The following ZNF391 variants were observed in gnomAD, a reference collection of about 807,000 sequenced individuals.
The protein encoded by ZNF391 is zinc finger protein 391.
For missense variants in ZNF391, 375 were observed against 425.5 expected (o/e 0.88, Z 1.04); for synonymous variants, 126 against 142.1 (o/e 0.89, Z 0.80).
chr6:27,384,064 A>T (rs576508958), upstream of ZNF391, among the ~76,000 whole-genome samples: 1 of 152,332 alleles, frequency 6.6e-6, no homozygotes, highest in Non-Finnish European at 1.5e-5. Context: ...GAGAAACAAA[A>T]GTTTAAGGAA....
At chr6:27,387,782 A>G (rs1410964842), upstream of ZNF391, among the ~76,000 whole-genome samples, 1 of 152,210 alleles carries the variant, frequency 6.6e-6, no homozygotes, top group Admixed American at 6.5e-5. Flanking sequence ...GATGACGAAA[A>G]TGTTCTAGAA....
chr6:27,383,218 G>T (rs1581525704), intron 1 of ZNF391, among the ~76,000 whole-genome samples: 1 of 151,824 alleles, frequency 6.6e-6, no homozygotes, highest in African/African-American at 2.4e-5. Flanking sequence ...TATAACATAT[G>T]TATAATAGGA....
At chr6:27,378,093 T>A (rs1225251977) in intron 1 of ZNF391, among the ~76,000 whole-genome samples, 1 of 152,246 alleles carries the variant, frequency 6.6e-6, no homozygotes, top group Non-Finnish European at 1.5e-5. Flanking sequence ...TTGAATGGTC[T>A]ATTTATATAA....
At chr6:27,384,293 G>T (rs1248851819), upstream of ZNF391, among the ~76,000 whole-genome samples, 1 of 151,162 alleles carries the variant, frequency 6.6e-6, no homozygotes, top group Admixed American at 6.6e-5. Context: ...GTGAAACCCT[G>T]TCTCTACTAA....
At chr6:27,389,705 G>A (rs1189212734) in intron 1 of ZNF391, among the ~76,000 whole-genome samples, 1 of 152,178 alleles carries the variant, frequency 6.6e-6, no homozygotes, top group East Asian at 1.9e-4. Context: ...TCGGGAGGCT[G>A]AGGCAGGAGA....
rs1457592571 is a variant in ZNF391, at chr6:27,400,401, G to T, written c.31G>T (p.Gly11Cys). The part of the protein sequence containing the change: MESLRGNTAQ[G>C]PTNEEDYKNE... ...AAGCCTCAGAGGGAATACTGCTCAG[G>T]GTCCTACAAATGAAGAAGACTATAA... The change falls in exon 3 of 3, where the codon GGT becomes TGT. Residue 11 changes from glycine (G) to cysteine (C), a missense_variant. Physicochemically the swap from Gly to Cys is radical, Grantham distance 159. Coordinates refer to ENST00000244576, the MANE Select transcript of ZNF391 (RefSeq NM_001076781.3). 1.9e-6 allele frequency: 3 copies of T among 1,612,804 alleles called. No homozygotes were observed. The South Asian group carries it at 3.3e-5, about 18-fold the overall frequency.
At chr6:27,394,410 C>T (rs1234858730) in intron 1 of ZNF391, among the ~76,000 whole-genome samples, 1 of 152,226 alleles carries the variant, frequency 6.6e-6, no homozygotes, top group Non-Finnish European at 1.5e-5. Context: ...AGCTGTAAGC[C>T]TTGGTGGCTT....
chr6:27,400,045 T>C (rs9969094), intron 2 of ZNF391, among the ~76,000 whole-genome samples: 11,627 of 152,178 alleles, frequency 0.076, 1,078 homozygotes, highest in African/African-American at 0.23. Context: ...TCCATTTGTT[T>C]GGGTTAGCAT....
At chr6:27,382,262 G>A (rs1025209756) in intron 1 of ZNF391, among the ~76,000 whole-genome samples, 1 of 151,990 alleles carries the variant, frequency 6.6e-6, no homozygotes, top group Non-Finnish European at 1.5e-5. Context: ...GCTGAGACAG[G>A]AGAATCGCTT....
In ZNF391 at chr6:27,400,568, T is replaced by A; in HGVS notation, c.198T>A (p.Ser66Arg). ...GEEGPESSEF[S>R]LSPNLDAQQK... ...AAGGCCCTGAATCCAGTGAATTTAGTCTAAGCCCAAACCTTGACGCACAAC... is the reference window on the plus strand; with the variant it reads ...AAGGCCCTGAATCCAGTGAATTTAGACTAAGCCCAAACCTTGACGCACAAC... Residue 66 changes from serine to arginine, a missense_variant, in exon 3 of 3, where the codon AGT (serine) becomes AGA (arginine). Physicochemically the swap from Ser to Arg is moderately radical, Grantham distance 110. Coordinates refer to ENST00000244576, the MANE Select transcript of ZNF391 (RefSeq NM_001076781.3). 1 of 1,614,164 alleles carries A rather than the reference T, an allele frequency of 6.2e-7. No homozygotes were observed. The highest frequency in any genetic ancestry group is 8.5e-7 in the Non-Finnish European group (1 of 1,180,020).
chr6:27,382,430 T>C (rs1761524234), intron 1 of ZNF391, among the ~76,000 whole-genome samples: 1 of 152,136 alleles, frequency 6.6e-6, no homozygotes, highest in Non-Finnish European at 1.5e-5. Context: ...AGCACAGCAT[T>C]TCCATATATC....
chr6:27,379,126 A>G (rs9468079), intron 1 of ZNF391, among the ~76,000 whole-genome samples: 108,533 of 152,114 alleles, frequency 0.71, 38,896 homozygotes, highest in Middle Eastern at 0.8. Flanking sequence ...CTGTGCTAAA[A>G]CTACAAGGTC....
rs1021113682 is a variant in ZNF391, at chr6:27,376,475, C to G, written n.523+1338C>G. Among the ~76,000 whole-genome samples, 2 of 152,182 alleles carry G rather than the reference C, an allele frequency of 1.3e-5. No individual in the cohort carries two copies. Among genetic ancestry groups the G allele is most frequent in the Admixed American group, 6.6e-5 (1 of 15,264 alleles). ...TCCCAGTTCAGTCTTTTTCCTTATA[C>G]TACCTCACTGTGGTATTTTTTGGAT... On this transcript the variant is annotated intron_variant and non_coding_transcript_variant, in intron 1 of 2. Coordinates refer to the ZNF391 transcript ENST00000477999. The surrounding 1 kb of genome is among the most constrained non-coding windows in gnomAD (Gnocchi z 4.7).
intron 2 of ZNF391, 42 bp from the exon 3 acceptor site, chr6:27,400,251 A>G: frequency 1.2e-6 from 1 of 822,514 alleles, no homozygotes; most frequent in South Asian, 2.1e-5. Context: ...TTTGCTCTCC[A>G]TAGTAGATAC....
chr6:27,401,904 GT>G lies in ZNF391; in HGVS notation c.*458del, dbSNP rs1280467977. 1 of 155,544 alleles carries G rather than the reference GT, an allele frequency of 6.4e-6. No homozygotes were observed. The highest frequency in any genetic ancestry group is 1.4e-5 in the Non-Finnish European group (1 of 70,128). 9.6% of individuals were successfully genotyped at this position (155,544 alleles called of 1,614,324 possible). On this transcript the variant is annotated 3_prime_UTR_variant, in exon 3 of 3. Coordinates refer to ENST00000244576, the MANE Select transcript of ZNF391 (RefSeq NM_001076781.3). ...TGCACATGAAGAGAAAATCCTGTGT[GT>G]GTGTCTTCATACTTGCTGGCTCTAG...
upstream of ZNF391, chr6:27,388,684 A>G (rs747353849): frequency 3.1e-6 from 1 of 323,126 alleles, no homozygotes; most frequent in Non-Finnish European, 6.0e-6. Flanking sequence ...AGTGAATCCC[A>G]GCACAGCCCT....
Position 27,388,806 on chromosome 6 carries a change from G to T in ZNF391, c.-457G>T. The T allele has an allele frequency of 2.3e-6, 1 of 426,794 alleles. No individual in the cohort carries two copies. Among genetic ancestry groups the T allele is most frequent in the Non-Finnish European group, 4.6e-6 (1 of 218,636 alleles). The allele number at this position is 426,794 out of a possible 1,614,324, so 26.4% of individuals were successfully genotyped here. A position where few individuals can be genotyped will look rare whatever the true frequency, so the allele number is the denominator to read the frequency against. ...TGGTCGTCCGCGTCAGGAGACTTAG[G>T]TCCAGGCGACTGCCCAGACAATGAC... On this transcript the variant is annotated 5_prime_UTR_variant, in exon 1 of 3. Coordinates refer to ENST00000244576, the MANE Select transcript of ZNF391 (RefSeq NM_001076781.3).
intron 1 of ZNF391, among the ~76,000 whole-genome samples, chr6:27,398,784 G>A (rs1989298): frequency 0.71 from 108,216 of 151,916 alleles, 38,745 homozygotes; most frequent in Middle Eastern, 0.82. Flanking sequence ...GTGTGAACCC[G>A]GGAGGCGGAG....
chr6:27,382,286 G>A (rs1761522347), intron 1 of ZNF391, among the ~76,000 whole-genome samples: 2 of 151,968 alleles, frequency 1.3e-5, no homozygotes, highest in South Asian at 2.1e-4. Flanking sequence ...CCCGGGAGGC[G>A]GAGGTTGCAG....
Sources: allele counts gnomAD v4.1 joint callset (sites outside exome capture counted in the v4.1 genomes callset), GRCh38; gene constraint gnomAD v4.1.1; non-coding constraint Gnocchi (gnomAD v3.1); transcripts MANE v1.5; gene names NCBI Gene and HGNC (gene_info 2026-07-23, HGNC 2026-07-21).